CCNJL: variants seen among roughly 807,000 people sequenced by gnomAD.
CCNJL encodes cyclin-J-like protein.
Under a neutral mutation model 33.4 loss-of-function variants are expected in CCNJL, and 33 were observed. The ratio of observed to expected loss-of-function variants is 0.99; its 90% confidence interval spans 0.75 to 1.32. CCNJL has a LOEUF of 1.32. Among genes scored for constraint, CCNJL ranks in the 40% most tolerant of loss-of-function variants. The pLI is 0.00. For synonymous variants in CCNJL, 227 were observed against 220.9 expected (o/e 1.03, Z -0.24); for missense variants, 512 against 499.7 (o/e 1.02, Z -0.23).
At chr5:160,320,335 C>T (rs1041355709) in intron 1 of CCNJL, among the ~76,000 whole-genome samples, 29 of 152,130 alleles carry the variant, frequency 1.9e-4, no homozygotes, top group African/African-American at 6.8e-4. Context: ...GCCTCAGTTT[C>T]TCCTTCTGTG....
intron 2 of CCNJL, 101 bp downstream of exon 2, chr5:160,311,757 G>A (rs1163897548): frequency 3.6e-6 from 4 of 1,100,476 alleles, no homozygotes; most frequent in South Asian, 1.2e-5. Context: ...AAAGGCACCC[G>A]GGAGTTCTGA....
chr5:160,253,735 G>A lies in CCNJL; in HGVS notation c.807C>T (p.Pro269=), dbSNP rs113060117. The A allele has an allele frequency of 1.3e-4, 208 of 1,567,450 alleles. No homozygotes were observed. Among genetic ancestry groups the A allele is most frequent in the Middle Eastern group, 6.8e-4 (4 of 5,872 alleles). Reference sequence around the variant, plus strand: ...CTTGAGTGGGGGTGGGGGGTGTGCCGGGCACCATTGCCAAGGCCTGGCTCT... The same window carrying A: ...CTTGAGTGGGGGTGGGGGGTGTGCCAGGCACCATTGCCAAGGCCTGGCTCT... ...AVKSQALAMV[P]GTPPTPTQVL... is the part of the protein sequence containing the mutation. Residue 269 remains proline (P), a synonymous_variant, in exon 6 of 6, where the codon CCC becomes CCT. Transcript: ENST00000257536.
chr5:160,322,097 G>C (rs1763472573), intron 1 of CCNJL, among the ~76,000 whole-genome samples: 2 of 152,312 alleles, frequency 1.3e-5, no homozygotes, highest in South Asian at 4.1e-4. Context: ...AGCATAGTTA[G>C]AAACAGGAGC....
chr5:160,312,120 C>T (rs1763284580), intron 1 of CCNJL, 148 bp from the exon 2 acceptor site: 5 of 604,880 alleles, frequency 8.3e-6, no homozygotes, highest in Non-Finnish European at 1.5e-5. Context: ...CTCTGGTCCG[C>T]GGAAGGCTGC....
chr5:160,279,735 G>C (rs1035384874), intron 3 of CCNJL, among the ~76,000 whole-genome samples: 1 of 152,196 alleles, frequency 6.6e-6, no homozygotes, highest in Non-Finnish European at 1.5e-5. Flanking sequence ...AGGGGGCTTG[G>C]CCAGTGTGGC....
chr5:160,286,218 G>C (rs1404365270), intron 2 of CCNJL, among the ~76,000 whole-genome samples: 1 of 152,232 alleles, frequency 6.6e-6, no homozygotes, highest in African/African-American at 2.4e-5. Flanking sequence ...AAGCCTTCTA[G>C]ATTTTCCCTT....
intron 1 of CCNJL, among the ~76,000 whole-genome samples, chr5:160,332,618 T>C (rs1248138991): frequency 1.3e-5 from 2 of 152,198 alleles, no homozygotes; most frequent in Non-Finnish European, 2.9e-5. Context: ...ATTCTGGGCA[T>C]GCTCCCACCT....
At chr5:160,301,091 A>G (rs896689170) in intron 2 of CCNJL, among the ~76,000 whole-genome samples, 29 of 152,354 alleles carry the variant, frequency 1.9e-4, no homozygotes, top group Non-Finnish European at 3.1e-4. Context: ...AAGGATCACC[A>G]CAGCAGTGCT....
chr5:160,253,601 T>G lies in CCNJL; in HGVS notation c.941A>C (p.Gln314Pro). Reference protein sequence around the residue: ...DLCLAYRDSLQAHRSGSLLSG... With the variant: ...DLCLAYRDSLPAHRSGSLLSG... ...GAGCAGGCTCCCTGAACGGTGGGCC[T>G]GCAAGGAGTCCCGATAGGCCAAGCA... The change falls in exon 6 of 6, where the codon CAG (glutamine) becomes CCG (proline). Residue 314 changes from glutamine to proline, a missense_variant. Coordinates refer to ENST00000257536, the MANE Select transcript of CCNJL (RefSeq NM_001308173.3). 6.2e-7 allele frequency: 1 copy of G among 1,613,720 alleles called. No homozygotes were observed. The highest frequency in any genetic ancestry group is 8.5e-7 in the Non-Finnish European group (1 of 1,179,840).
At chr5:160,325,667 T>A (rs533783155) in intron 1 of CCNJL, among the ~76,000 whole-genome samples, 66 of 152,334 alleles carry the variant, frequency 4.3e-4, no homozygotes, top group African/African-American at 1.3e-3. Flanking sequence ...TATACACATA[T>A]TTGAGGCAAT....
rs1404100581 is a variant in CCNJL at position 160,273,669 on chromosome 5, C to G, written c.280+6856G>C. On this transcript the variant is annotated intron_variant, in intron 3 of 5. Transcript: ENST00000257536. ...TTTTTTTTTTTTTTTTTTTTTGAGACAGAGTCTCACTCTGTCATCCAAGCT... is the reference window on the plus strand; with the variant it reads ...TTTTTTTTTTTTTTTTTTTTTGAGAGAGAGTCTCACTCTGTCATCCAAGCT... Among the ~76,000 whole-genome samples, 7 of 104,144 alleles carry G rather than the reference C, an allele frequency of 6.7e-5. No homozygotes were observed. In the Admixed American group the frequency reaches 7.6e-4, roughly 11 times the overall value. 68.3% of individuals were successfully genotyped at this position (104,144 alleles called of 152,430 possible). A position where few individuals can be genotyped will look rare whatever the true frequency, so the allele number is the denominator to read the frequency against.
chr5:160,277,674 A>G (rs1287762545), intron 3 of CCNJL, among the ~76,000 whole-genome samples: 1 of 151,304 alleles, frequency 6.6e-6, no homozygotes, highest in Non-Finnish European at 1.5e-5. Flanking sequence ...TCCCTGGCTG[A>G]GCCCTGTTGG....
chr5:160,338,737 G>A (rs1211670598), intron 1 of CCNJL, among the ~76,000 whole-genome samples: 1 of 152,096 alleles, frequency 6.6e-6, no homozygotes, highest in Non-Finnish European at 1.5e-5. Context: ...CATAGGGCCT[G>A]GCACATTTTA....
rs370425728 is a variant in CCNJL, at chr5:160,250,694, G to A, written c.*2684C>T. ...ACATATACATATTTTGACATGTAAC[G>A]CTTCTGAAATCAGAATGCAACATAT... is the stretch of plus-strand genomic sequence containing the variant. On this transcript the variant is annotated 3_prime_UTR_variant, in exon 6 of 6. Transcript: ENST00000257536. 35 of 152,292 alleles carry A rather than the reference G, an allele frequency of 2.3e-4. No homozygotes were observed. Among genetic ancestry groups the A allele is most frequent in the Admixed American group, 1.6e-3 (24 of 15,304 alleles). 9.4% of individuals were successfully genotyped at this position (152,292 alleles called of 1,614,324 possible).
In CCNJL at chr5:160,312,536, T is replaced by G. The variant is rs1424546531; in HGVS notation, c.-222A>C. The G allele has an allele frequency of 6.6e-6, 1 of 151,556 alleles. No individual in the cohort carries two copies. The highest frequency in any genetic ancestry group is 1.9e-4 in the East Asian group (1 of 5,148). 9.4% of individuals were successfully genotyped at this position (151,556 alleles called of 1,614,324 possible). A position where few individuals can be genotyped will look rare whatever the true frequency, so the allele number is the denominator to read the frequency against. On this transcript the variant is annotated 5_prime_UTR_variant, in exon 1 of 6. Transcript: ENST00000257536. ...GCCGTCGCCGCGCCCCTGCGTGCGC[T>G]CGGGTCCCGCCGCGGCTCGCAGGCT...
chr5:160,292,659 T>A (rs927515581), intron 2 of CCNJL, among the ~76,000 whole-genome samples: 1 of 143,302 alleles, frequency 7.0e-6, no homozygotes, highest in African/African-American at 2.8e-5. Flanking sequence ...ATATGTAACA[T>A]GTGTGTGTAT....
At chr5:160,298,756 C>A (rs1338412699) in intron 2 of CCNJL, among the ~76,000 whole-genome samples, 1 of 152,128 alleles carries the variant, frequency 6.6e-6, no homozygotes, top group Non-Finnish European at 1.5e-5. Context: ...ATATTATAAT[C>A]CCACAACATT....
At chr5:160,300,746 T>C (rs1762896154) in intron 2 of CCNJL, among the ~76,000 whole-genome samples, 1 of 152,104 alleles carries the variant, frequency 6.6e-6, no homozygotes, top group Non-Finnish European at 1.5e-5. Flanking sequence ...TGCAGCCTCA[T>C]ACTCCTGGGC....
intron 2 of CCNJL, among the ~76,000 whole-genome samples, chr5:160,306,523 CAGCTCATGTCA>C (rs1249909002): frequency 1.3e-5 from 2 of 152,112 alleles, no homozygotes; most frequent in African/African-American, 2.4e-5. Context: ...ATAAAGTTAC[CAGCTCATGTCA>C]AGCAGAGCTT....
Sources: gnomAD v4.1 joint callset for allele counts (sites outside exome capture counted in the v4.1 genomes callset) on GRCh38, gnomAD v4.1.1 for gene constraint, MANE v1.5 for transcripts, NCBI Gene and HGNC (gene_info 2026-07-23, HGNC 2026-07-21) for gene names.